The following TTC28 variants were observed in gnomAD, a reference collection of about 807,000 sequenced individuals.
TTC28 encodes tetratricopeptide repeat protein 28.
TTC28 carries 61 observed loss-of-function variants against 198.0 expected under a neutral mutation model. The ratio of observed to expected loss-of-function variants is 0.31; its 90% CI spans 0.25 to 0.38. The LOEUF is 0.38. TTC28 is among the 10% of genes least tolerant of loss of function. The probability of loss-of-function intolerance (pLI) is 1.00; values close to 1 mark genes in which losing one functional copy is unlikely to be tolerated. For missense variants in TTC28, 2,678 were observed against 3,164.0 expected, an observed-to-expected ratio of 0.85 and a Z score of 3.69; for synonymous variants, 1,171 against 1,297.8, an observed-to-expected ratio of 0.90 and a Z score of 2.10.
chr22:28,342,551 C>G (rs779658134), intron 2 of TTC28, among the ~76,000 whole-genome samples: 2 of 151,548 alleles, frequency 1.3e-5, no homozygotes, highest in African/African-American at 2.4e-5. Context: ...TGCTTTAAAA[C>G]AGTTATTTTG....
chr22:28,039,345 A>G (rs1000047806), intron 12 of TTC28, among the ~76,000 whole-genome samples: 1 of 152,178 alleles, frequency 6.6e-6, no homozygotes, highest in Non-Finnish European at 1.5e-5. Context: ...CAGCCATAAA[A>G]AAGGATGAGT....
At chr22:28,331,064 G>A (rs2045607569) in intron 2 of TTC28, among the ~76,000 whole-genome samples, 1 of 152,138 alleles carries the variant, frequency 6.6e-6, no homozygotes, top group Non-Finnish European at 1.5e-5. Context: ...CAATATTACA[G>A]AAAGGAGAAG....
At chr22:28,513,830 A>G (rs570548018) in intron 2 of TTC28, among the ~76,000 whole-genome samples, 270 of 152,174 alleles carry the variant, frequency 1.8e-3, no homozygotes, top group Middle Eastern at 3.4e-3. Context: ...AAAAATCTAA[A>G]ATGAAATATC....
chr22:28,610,890 A>T (rs2146148578), intron 2 of TTC28, among the ~76,000 whole-genome samples: 1 of 152,280 alleles, frequency 6.6e-6, no homozygotes, highest in Middle Eastern at 3.4e-3. Context: ...GACCTGATGA[A>T]GCAGAAAAAC....
intron 3 of TTC28, among the ~76,000 whole-genome samples, chr22:28,302,413 G>A (rs1463638238): frequency 1.3e-5 from 2 of 152,158 alleles, no homozygotes; most frequent in Non-Finnish European, 2.9e-5. Context: ...TAGTACTGCT[G>A]CTGCTTCCAC....
intron 5 of TTC28, among the ~76,000 whole-genome samples, chr22:28,220,517 G>A (rs1927772749): frequency 6.6e-6 from 1 of 152,158 alleles, no homozygotes; most frequent in Non-Finnish European, 1.5e-5. Context: ...GAGAGCTTCA[G>A]TTTTTTGCTG....
intron 2 of TTC28, among the ~76,000 whole-genome samples, chr22:28,442,320 C>T (rs1393032213): frequency 2.0e-5 from 3 of 152,226 alleles, no homozygotes; most frequent in African/African-American, 7.2e-5. Context: ...AGGCTGAAGG[C>T]CCGGCTATGG....
intron 12 of TTC28, among the ~76,000 whole-genome samples, chr22:28,087,301 C>T (rs1359676862): frequency 3.9e-5 from 6 of 152,006 alleles, no homozygotes; most frequent in Admixed American, 1.3e-4. Context: ...CACATCAAAA[C>T]GCTTATCCAC....
At chr22:28,295,947 T>C (rs1167140738) in intron 5 of TTC28, among the ~76,000 whole-genome samples, 2 of 152,194 alleles carry the variant, frequency 1.3e-5, no homozygotes, top group African/African-American at 4.8e-5. Flanking sequence ...ATAAGAACAA[T>C]GCATCTGACA....
intron 2 of TTC28, among the ~76,000 whole-genome samples, chr22:28,386,363 A>T (rs2146042315): frequency 6.7e-6 from 1 of 149,500 alleles, no homozygotes; most frequent in East Asian, 2.0e-4. Context: ...ATACTTTCAC[A>T]TTACTTTGCT....
chr22:28,345,060 A>G (rs906210032), intron 2 of TTC28, among the ~76,000 whole-genome samples: 11 of 152,160 alleles, frequency 7.2e-5, no homozygotes, highest in Non-Finnish European at 1.5e-4. Flanking sequence ...CTGACTTCAA[A>G]GCCCCCACTC....
chr22:28,333,846 CTTTATTT>C lies in TTC28; in HGVS notation c.382-27210_382-27204del, dbSNP rs572156939. On this transcript the variant is annotated intron_variant, in intron 2 of 22. Coordinates refer to ENST00000397906, the MANE Select transcript of TTC28 (RefSeq NM_001145418.2). ...TAAGGAAAAAAAATCACTGTATTTT[CTTTATTT>C]TTTATTTTTTATTATACTTTAACTT... 1.9e-3 allele frequency among the ~76,000 whole-genome samples: 284 copies of C among 151,808 alleles called. 1 individual carries two copies. The highest frequency in any genetic ancestry group is 6.5e-3 in the African/African-American group (271 of 41,458).
At chr22:28,607,520 A>C (rs2146138220) in intron 2 of TTC28, among the ~76,000 whole-genome samples, 1 of 152,316 alleles carries the variant, frequency 6.6e-6, no homozygotes, top group South Asian at 2.1e-4. Context: ...AATTATGCAA[A>C]TAATTACATA....
intron 2 of TTC28, among the ~76,000 whole-genome samples, chr22:28,556,607 A>C (rs1349618921): frequency 2.6e-5 from 4 of 152,208 alleles, no homozygotes; most frequent in Non-Finnish European, 5.9e-5. Flanking sequence ...GTAATGCTGC[A>C]TGAGAAGTTA....
chr22:28,170,447 C>A (rs1035080953), intron 5 of TTC28, among the ~76,000 whole-genome samples: 1 of 151,188 alleles, frequency 6.6e-6, no homozygotes, highest in Non-Finnish European at 1.5e-5. Flanking sequence ...CAAGATCACA[C>A]CACTGCACTC....
chr22:28,653,476 C>G (rs1384464499), intron 1 of TTC28, among the ~76,000 whole-genome samples: 1 of 151,554 alleles, frequency 6.6e-6, no homozygotes, highest in Non-Finnish European at 1.5e-5. Flanking sequence ...GCACTCCAGC[C>G]TGGGTGATGG....
At chr22:28,081,575 C>T (rs1160200010) in intron 12 of TTC28, among the ~76,000 whole-genome samples, 2 of 151,766 alleles carry the variant, frequency 1.3e-5, no homozygotes, top group Non-Finnish European at 2.9e-5. Flanking sequence ...TCACTGCAAC[C>T]TCTGCCTCCT....
chr22:28,293,578 T>A (rs1410286102), intron 5 of TTC28, among the ~76,000 whole-genome samples: 1 of 152,036 alleles, frequency 6.6e-6, no homozygotes, highest in Non-Finnish European at 1.5e-5. Context: ...AGTTAATAAA[T>A]CATATTGCAT....
At chr22:28,495,341 A>C (rs1341609923) in intron 2 of TTC28, among the ~76,000 whole-genome samples, 1 of 152,182 alleles carries the variant, frequency 6.6e-6, no homozygotes, top group Non-Finnish European at 1.5e-5. Context: ...GAAGGTTTTC[A>C]TACAAAGGAT....
Sources: gnomAD v4.1 joint callset for allele counts (sites outside exome capture counted in the v4.1 genomes callset) on GRCh38, gnomAD v4.1.1 for gene constraint, MANE v1.5 for transcripts, NCBI Gene and HGNC (gene_info 2026-07-23, HGNC 2026-07-21) for gene names.